RYR2: variants seen among roughly 807,000 people sequenced by gnomAD.
The protein encoded by RYR2 is ryanodine receptor 2, also known as cardiac muscle ryanodine receptor-calcium release channel.
RYR2 carries 227 observed loss-of-function variants against 601.1 expected under a neutral mutation model. That is an observed-to-expected ratio of 0.38 (90% CI 0.34 to 0.42). The LOEUF is 0.42. RYR2 is among the 10% of genes least tolerant of loss of function. The pLI is 1.00. For missense variants in RYR2, 4,646 were observed against 6,156.5 expected, an observed-to-expected ratio of 0.75 and a Z score of 8.21; for synonymous variants, 2,223 against 2,175.1, an observed-to-expected ratio of 1.02 and a Z score of -0.61.
intron 82 of RYR2, among the ~76,000 whole-genome samples, chr1:237,758,928 A>G (rs1453630952): frequency 3.3e-5 from 5 of 152,170 alleles, no homozygotes; most frequent in Non-Finnish European, 2.9e-5. Flanking sequence ...AATTTTGACC[A>G]TAGATTCTGG....
chr1:237,549,754 TG>T (rs1420248719), intron 26 of RYR2, among the ~76,000 whole-genome samples: 2 of 151,370 alleles, frequency 1.3e-5, no homozygotes, highest in Non-Finnish European at 2.9e-5. Flanking sequence ...TGTGGAGACT[TG>T]AGCAAATACT....
intron 1 of RYR2, among the ~76,000 whole-genome samples, chr1:237,262,601 A>G (rs545733603): frequency 6.6e-6 from 1 of 152,300 alleles, no homozygotes; most frequent in East Asian, 1.9e-4. Flanking sequence ...ATTCAATTCA[A>G]CATATATTGA....
chr1:237,141,512 G>A (rs2490372), intron 1 of RYR2, among the ~76,000 whole-genome samples: 92,593 of 151,978 alleles, frequency 0.61, 28,742 homozygotes, highest in South Asian at 0.73. Flanking sequence ...TAGCCTTCAT[G>A]TCTTGGGTGC....
At position 237,784,687 on chromosome 1, in the gene RYR2, C is replaced by T. The variant is rs1323310654; in HGVS notation, c.12975C>T (p.Ile4325=). The part of the protein sequence containing the change: ...GGSLVEGAKK[I]KVAELLANMP... ...GCCTCGTCGAAGGTGCTAAAAAGAT[C>T]AAAGTTGCAGAACTGTTAGCCAACA... Residue 4325 remains isoleucine, a synonymous_variant, in exon 90 of 105, where the codon ATC becomes ATT. Transcript: ENST00000366574. The surrounding 1 kb of genome is among the most constrained non-coding windows in gnomAD (Gnocchi z 7.1). 1 of 1,611,054 alleles carries T rather than the reference C, an allele frequency of 6.2e-7. No homozygotes were observed. Among genetic ancestry groups the T allele is most frequent in the South Asian group, 1.1e-5 (1 of 90,960 alleles).
In RYR2 at chr1:237,530,621, A is replaced by G. The variant is rs2779365; in HGVS notation, c.2906+111A>G. 724,217 of 902,252 alleles carry G rather than the reference A, an allele frequency of 0.8. 292,047 individuals carry two copies. The highest frequency in any genetic ancestry group is 0.91 in the East Asian group (33,529 of 36,726). 55.9% of individuals were successfully genotyped at this position (902,252 alleles called of 1,614,324 possible). A position where few individuals can be genotyped will look rare whatever the true frequency, so the allele number is the denominator to read the frequency against. On this transcript the variant is annotated intron_variant, in intron 25 of 104. Coordinates refer to ENST00000366574, the MANE Select transcript of RYR2 (RefSeq NM_001035.3). ...TGCTTTTACTGAAGCTTTAAAATTCAGATTCAAGGCTGGGTGCGGTGGCTC... is the reference window on the plus strand; with the variant it reads ...TGCTTTTACTGAAGCTTTAAAATTCGGATTCAAGGCTGGGTGCGGTGGCTC...
At chr1:237,330,759 T>C in intron 2 of RYR2, 119 bp from the exon 3 acceptor site, 2 of 741,046 alleles carry the variant, frequency 2.7e-6, no homozygotes, top group Admixed American at 4.0e-5. Flanking sequence ...CTGGGGAACT[T>C]GCAGTAGAAA....
At chr1:237,286,725 A>G (rs1198719497) in intron 2 of RYR2, among the ~76,000 whole-genome samples, 3 of 151,816 alleles carry the variant, frequency 2.0e-5, no homozygotes, top group Admixed American at 6.6e-5. Context: ...TCCTGAAGGC[A>G]GCAGATGGCT....
At chr1:237,548,782 T>A (rs1670086200) in intron 26 of RYR2, among the ~76,000 whole-genome samples, 192 bp downstream of exon 26, 1 of 152,200 alleles carries the variant, frequency 6.6e-6, no homozygotes, top group Admixed American at 6.5e-5. Flanking sequence ...GCTGTGATCG[T>A]GAACACATGT....
At chr1:237,232,272 C>T (rs1036575754) in intron 1 of RYR2, among the ~76,000 whole-genome samples, 2 of 152,174 alleles carry the variant, frequency 1.3e-5, no homozygotes, top group Non-Finnish European at 2.9e-5. Flanking sequence ...ACCCCCAACA[C>T]CCCGGGGAGG....
intron 3 of RYR2, among the ~76,000 whole-genome samples, chr1:237,354,778 T>C (rs1699153501): frequency 6.6e-6 from 1 of 152,138 alleles, no homozygotes; most frequent in African/African-American, 2.4e-5. Flanking sequence ...GTGTTTTTCT[T>C]AAATAACAAC....
intron 10 of RYR2, among the ~76,000 whole-genome samples, chr1:237,398,363 A>G (rs150085187): frequency 1.3e-5 from 2 of 152,322 alleles, no homozygotes; most frequent in Non-Finnish European, 2.9e-5. Context: ...AGATTTGCAA[A>G]CCATATCTGA....
chr1:237,402,594 G>T (rs1467675326), intron 10 of RYR2, among the ~76,000 whole-genome samples: 1 of 152,156 alleles, frequency 6.6e-6, no homozygotes, highest in Non-Finnish European at 1.5e-5. Flanking sequence ...CTGGAAATCA[G>T]ATCAGAAGAC....
chr1:237,746,946 A>T (rs1330024043), intron 80 of RYR2, among the ~76,000 whole-genome samples: 2 of 152,174 alleles, frequency 1.3e-5, no homozygotes, highest in Non-Finnish European at 2.9e-5. Flanking sequence ...AAGAACTTTG[A>T]TACTGCAGTA....
chr1:237,110,600 T>C (rs1215786688), intron 1 of RYR2, among the ~76,000 whole-genome samples: 1 of 152,190 alleles, frequency 6.6e-6, no homozygotes, highest in African/African-American at 2.4e-5. Flanking sequence ...GGGATGCTGA[T>C]GCCTCTGGTT....
At chr1:237,063,436 C>T (rs1261963676) in intron 1 of RYR2, among the ~76,000 whole-genome samples, 3 of 101,054 alleles carry the variant, frequency 3.0e-5, no homozygotes, top group African/African-American at 1.1e-4. Context: ...TCAGTGTTTA[C>T]ACTAGAGATT....
chr1:237,453,403 A>T (rs1040375531), intron 14 of RYR2, among the ~76,000 whole-genome samples: 3 of 152,156 alleles, frequency 2.0e-5, no homozygotes, highest in Non-Finnish European at 4.4e-5. Flanking sequence ...AATTTTTTAA[A>T]ACTATAAAGT....
At chr1:237,643,875 A>G (rs889336957) in intron 48 of RYR2, among the ~76,000 whole-genome samples, 1 of 152,098 alleles carries the variant, frequency 6.6e-6, no homozygotes, top group Non-Finnish European at 1.5e-5. Flanking sequence ...TGGCCTCCCA[A>G]AGTGCTGGGA....
At chr1:237,648,068 G>A (rs1311420330) in intron 48 of RYR2, among the ~76,000 whole-genome samples, 1 of 152,198 alleles carries the variant, frequency 6.6e-6, no homozygotes, top group Non-Finnish European at 1.5e-5. Context: ...CTTTATTCAT[G>A]TTTAAAACAG....
intron 5 of RYR2, among the ~76,000 whole-genome samples, chr1:237,365,626 T>C (rs904452901): frequency 3.3e-5 from 5 of 152,226 alleles, no homozygotes; most frequent in African/African-American, 7.2e-5. Flanking sequence ...AACAGCAAAA[T>C]AGGAATATTT....
Sources: allele counts gnomAD v4.1 joint callset (sites outside exome capture counted in the v4.1 genomes callset), GRCh38; gene constraint gnomAD v4.1.1; non-coding constraint Gnocchi (gnomAD v3.1); transcripts MANE v1.5; gene names NCBI Gene and HGNC (gene_info 2026-07-23, HGNC 2026-07-21).